The following PPP6R2 variants were observed in gnomAD, a reference collection of about 807,000 sequenced individuals.
The protein encoded by PPP6R2 is serine/threonine-protein phosphatase 6 regulatory subunit 2.
A neutral mutation model predicts 100.2 loss-of-function variants in PPP6R2; 62 were observed. The observed-to-expected ratio is 0.62, with a 90% CI of 0.50 to 0.76. The LOEUF (loss-of-function observed/expected upper bound fraction) is 0.76. PPP6R2 is among the 30% of genes least tolerant of loss of function. PPP6R2 has a pLI of 0.00. For synonymous variants in PPP6R2, 525 were observed against 514.7 expected, an observed-to-expected ratio of 1.02 and a Z score of -0.27; for missense variants, 1,142 against 1,276.3, an observed-to-expected ratio of 0.89 and a Z score of 1.60.
rs2066328977 is a variant in PPP6R2 at position 50,443,532 on chromosome 22, TC to T, written c.2580-332del. 4 of 306,720 alleles carry T rather than the reference TC, an allele frequency of 1.3e-5. No homozygotes were observed. In the East Asian group the frequency reaches 2.5e-4, roughly 19 times the overall value. 19.0% of individuals were successfully genotyped at this position (306,720 alleles called of 1,614,324 possible). On this transcript the variant is annotated intron_variant, in intron 22 of 23. Coordinates refer to ENST00000612753, the MANE Select transcript of PPP6R2 (RefSeq NM_001242898.2). ...CCCTGGGAGGTTTCCCCAGACTGTG[TC>T]CAGTGTGAGGCTGAAGTTGAGATCA...
intron 4 of PPP6R2, among the ~76,000 whole-genome samples, chr22:50,412,789 C>T (rs1736459564): frequency 6.7e-6 from 1 of 148,354 alleles, no homozygotes; most frequent in Non-Finnish European, 1.5e-5. Flanking sequence ...TTACACGTGC[C>T]CACCACCATG....
At chr22:50,416,784 C>T (rs888321470) in intron 6 of PPP6R2, among the ~76,000 whole-genome samples, 12 of 151,782 alleles carry the variant, frequency 7.9e-5, no homozygotes, top group African/African-American at 2.4e-4. Flanking sequence ...GCCAACGTGG[C>T]GAAACCCTGT....
At chr22:50,336,179 G>A in the PPP6R2 span, among the ~76,000 whole-genome samples, 29 of 150,980 alleles carry the variant, frequency 1.9e-4, no homozygotes, top group Non-Finnish European at 3.5e-4. Flanking sequence ...TAGTAGAGAC[G>A]CGGTTTCACC....
At chr22:50,357,377 C>T (rs28645281) in intron 1 of PPP6R2, among the ~76,000 whole-genome samples, 1 of 151,534 alleles carries the variant, frequency 6.6e-6, no homozygotes, top group Non-Finnish European at 1.5e-5. Flanking sequence ...TTTTCTCTTT[C>T]TCTTTCATCT....
rs774678389 is a variant in PPP6R2 at position 50,440,829 on chromosome 22, G to C, written c.2382G>C (p.Pro794=). 6.2e-7 allele frequency: 1 copy of C among 1,613,322 alleles called. No homozygotes were observed. Among genetic ancestry groups the C allele is most frequent in the Non-Finnish European group, 8.5e-7 (1 of 1,180,002 alleles). ...AGGCCTCCTACTTTGCAGTCAGCCC[G>C]GCTTCTCCATGTGCCTGGAACGTGT... ...RSQGPEKAFS[P]ASPCAWNVCV... The change falls in exon 22 of 24, where the codon CCG becomes CCC. Residue 794 remains proline (P), a synonymous_variant. Transcript: ENST00000612753.
rs201604809 is a variant in PPP6R2 at position 50,438,183 on chromosome 22, G to C, written c.1849G>C (p.Ala617Pro). The C allele has an allele frequency of 6.2e-7, 1 of 1,613,072 alleles. No homozygotes were observed. The highest frequency in any genetic ancestry group is 1.1e-5 in the South Asian group (1 of 90,960). ...GCGTTTTACTCTGCAGCCCAGCGCAGCTCTGTTTGAGGCCTGCTGCAGTGA... is the reference window on the plus strand; with the variant it reads ...GCGTTTTACTCTGCAGCCCAGCGCACCTCTGTTTGAGGCCTGCTGCAGTGA... ...IDADEDSPSA[A>P]LFEACCSDRI... is the part of the protein sequence containing the mutation. The change falls in exon 18 of 24, where the codon GCT (alanine) becomes CCT (proline). Residue 617 changes from alanine (A) to proline (P), a missense_variant. By Grantham distance (27) the Ala-to-Pro change is conservative (BLOSUM62 -1). Transcript: ENST00000612753.
intron 1 of PPP6R2, among the ~76,000 whole-genome samples, chr22:50,348,046 ACAGCACATGC>A (rs1198072175): frequency 6.6e-6 from 1 of 152,180 alleles, no homozygotes; most frequent in Non-Finnish European, 1.5e-5. Flanking sequence ...TGCTGAGAGG[ACAGCACATGC>A]AAAGGCCCTG....
At chr22:50,437,457 C>T in intron 15 of PPP6R2, 49 bp from the exon 16 acceptor site, 2 of 1,348,520 alleles carry the variant, frequency 1.5e-6, no homozygotes, top group Non-Finnish European at 2.1e-6. Context: ...CCTGATGCCT[C>T]CTCCATGACC....
intron 4 of PPP6R2, among the ~76,000 whole-genome samples, chr22:50,408,971 G>A (rs1174649473): frequency 9.2e-5 from 14 of 152,152 alleles, no homozygotes; most frequent in African/African-American, 1.4e-4. Flanking sequence ...AAAATTAGCC[G>A]GGCGTGGTAG....
chr22:50,397,551 G>GA (rs1414051161), intron 3 of PPP6R2, among the ~76,000 whole-genome samples: 1 of 146,410 alleles, frequency 6.8e-6, no homozygotes, highest in African/African-American at 2.7e-5. Context: ...GGGGGCAGGG[G>GA]GCCTGTCCTC....
intron 4 of PPP6R2, 76 bp downstream of exon 4, chr22:50,406,951 C>G (rs1046193536): frequency 7.0e-7 from 1 of 1,420,178 alleles, no homozygotes; most frequent in African/African-American, 1.4e-5. Flanking sequence ...GTGAGCCTGG[C>G]GGTGCGACTC....
chr22:50,440,716 AGGCTGCATGTGAGAGGGCCACATGTATG>A, intron 21 of PPP6R2, 78 bp from the exon 22 acceptor site: 2 of 1,279,762 alleles, frequency 1.6e-6, no homozygotes, highest in Non-Finnish European at 2.2e-6. Context: ...TGCAGGCAAC[AGGCTGCATGTGAGAGGGCCACATGTATG>A]GGGACCCTAT....
chr22:50,389,989 T>C (rs1456825855), intron 2 of PPP6R2, among the ~76,000 whole-genome samples: 1 of 131,728 alleles, frequency 7.6e-6, no homozygotes, highest in Non-Finnish European at 1.7e-5. Flanking sequence ...TTTCTTTTTC[T>C]TTTTTTTTCT....
chr22:50,394,095 C>G lies in PPP6R2; in HGVS notation c.187C>G (p.Gln63Glu), dbSNP rs1185235290. The change falls in exon 3 of 24, where the codon CAG becomes GAG. Residue 63 changes from glutamine to glutamate, a missense_variant. Gln to Glu is a conservative substitution (Grantham distance 29). Transcript: ENST00000612753. Reference sequence around the variant, plus strand: ...GGAGGAGCTGGTGAGCCTCATCACACAGGATCCGCCCCTGGACATGGAGGA... The same window carrying G: ...GGAGGAGCTGGTGAGCCTCATCACAGAGGATCCGCCCCTGGACATGGAGGA... ...CMEELVSLITQDPPLDMEEKV... is the reference protein window; with the variant it reads ...CMEELVSLITEDPPLDMEEKV... 6.2e-7 allele frequency: 1 copy of G among 1,614,190 alleles called. No individual in the cohort carries two copies. Among genetic ancestry groups the G allele is most frequent in the Admixed American group, 1.7e-5 (1 of 60,022 alleles).
intron 2 of PPP6R2, among the ~76,000 whole-genome samples, chr22:50,383,788 GCAC>G (rs2053607761): frequency 2.0e-5 from 3 of 152,166 alleles, no homozygotes; most frequent in African/African-American, 7.2e-5. Context: ...TGTAATTGCA[GCAC>G]TTTGGGAGGC....
chr22:50,437,404 G>A (rs1395010033), intron 15 of PPP6R2, 102 bp from the exon 16 acceptor site: 15 of 812,120 alleles, frequency 1.8e-5, no homozygotes, highest in East Asian at 2.7e-5. Context: ...AGAAGCTCCC[G>A]AACAACTAGA....
At chr22:50,340,188 G>T (rs1275863555), upstream of PPP6R2, among the ~76,000 whole-genome samples, 3 of 146,302 alleles carry the variant, frequency 2.1e-5, no homozygotes, top group Non-Finnish European at 3.0e-5. Flanking sequence ...TGTGTATGTG[G>T]TGTGTGTGTG....
intron 2 of PPP6R2, among the ~76,000 whole-genome samples, chr22:50,391,277 C>T (rs138422062): frequency 0.019 from 2,860 of 150,376 alleles, 45 homozygotes; most frequent in East Asian, 0.078. Context: ...ACTAAAAATA[C>T]AAAAAATCAG....
chr22:50,427,188 CAA>C (rs201158855), intron 10 of PPP6R2, among the ~76,000 whole-genome samples: 11 of 94,526 alleles, frequency 1.2e-4, no homozygotes, highest in South Asian at 6.8e-4. Flanking sequence ...GATTCCATCT[CAA>C]AAAAAAAAAA....
Sources: allele counts gnomAD v4.1 joint callset (sites outside exome capture counted in the v4.1 genomes callset), GRCh38; gene constraint gnomAD v4.1.1; transcripts MANE v1.5; gene names NCBI Gene and HGNC (gene_info 2026-07-23, HGNC 2026-07-21).